The following LIN28B variants were observed in gnomAD, a reference collection of about 807,000 sequenced individuals.
The protein encoded by LIN28B is protein lin-28 homolog B.
A neutral mutation model predicts 21.9 loss-of-function variants in LIN28B; 5 were observed. The observed-to-expected ratio is 0.23, with a 90% CI of 0.12 to 0.48. The LOEUF is 0.48. Ranked by LOEUF, LIN28B falls within the 20% of genes least tolerant of loss-of-function variation. LIN28B has a pLI of 0.98. For missense variants in LIN28B, 245 were observed against 310.5 expected (o/e 0.79, Z 1.58); for synonymous variants, 109 against 111.3 (o/e 0.98, Z 0.13).
intron 3 of LIN28B, among the ~76,000 whole-genome samples, chr6:105,074,048 T>G (rs780100617): frequency 5.9e-5 from 9 of 152,214 alleles, no homozygotes; most frequent in Non-Finnish European, 1.2e-4. Flanking sequence ...ACTTATTAAC[T>G]AGTGTAGGTG....
At chr6:105,016,905 A>G (rs1771039495) in intron 2 of LIN28B, among the ~76,000 whole-genome samples, 1 of 150,966 alleles carries the variant, frequency 6.6e-6, no homozygotes, top group Non-Finnish European at 1.5e-5. Flanking sequence ...GAAAATCAAA[A>G]CAAAAAAACA....
intron 3 of LIN28B, among the ~76,000 whole-genome samples, chr6:105,041,692 G>A (rs973842178): frequency 6.6e-6 from 1 of 152,168 alleles, no homozygotes; most frequent in African/African-American, 2.4e-5. Flanking sequence ...CATCATGGCT[G>A]AAAGTAGTTG....
intron 3 of LIN28B, among the ~76,000 whole-genome samples, chr6:104,951,690 G>C (rs1778223084): frequency 6.6e-6 from 1 of 152,162 alleles, no homozygotes; most frequent in African/African-American, 2.4e-5. Context: ...GATCGGAGGG[G>C]AAAGGTACAA....
At chr6:105,073,223 T>G (rs1440470018) in intron 3 of LIN28B, among the ~76,000 whole-genome samples, 1 of 152,168 alleles carries the variant, frequency 6.6e-6, no homozygotes, top group Non-Finnish European at 1.5e-5. Context: ...TAAAAAATAA[T>G]AGAGCTGAGG....
At chr6:104,960,211 T>C (rs1208111638) in intron 2 of LIN28B, among the ~76,000 whole-genome samples, 1 of 152,106 alleles carries the variant, frequency 6.6e-6, no homozygotes, top group Non-Finnish European at 1.5e-5. Context: ...AGAGGTTTCT[T>C]ATATTGTAAT....
rs1227703279 is a variant in LIN28B, at chr6:104,966,038, A to G, written c.198+7752A>G. On this transcript the variant is annotated intron_variant, in intron 2 of 3. Coordinates refer to ENST00000345080, the MANE Select transcript of LIN28B (RefSeq NM_001004317.4). ...TCAATGGCCTATAAATCGGAGGACA[A>G]AAATAGTACCCACTTTGTATAGGGC... 2.0e-5 allele frequency among the ~76,000 whole-genome samples: 3 copies of G among 152,224 alleles called. No homozygotes were observed. The East Asian group carries it at 5.8e-4, about 29-fold the overall frequency.
intron 3 of LIN28B, among the ~76,000 whole-genome samples, chr6:105,032,051 AT>A (rs1162693786): frequency 2.6e-5 from 4 of 152,020 alleles, no homozygotes; most frequent in Non-Finnish European, 5.9e-5. Flanking sequence ...TTGAAATTGC[AT>A]TTTTTCACTC....
In LIN28B at chr6:104,997,257, C is replaced by G. The variant is rs181154922; in HGVS notation, c.199-29041C>G. 1.6e-3 allele frequency among the ~76,000 whole-genome samples: 227 copies of G among 140,990 alleles called. 1 individual carries two copies. The highest frequency in any genetic ancestry group is 8.6e-3 in the South Asian group (39 of 4,530). 92.5% of individuals were successfully genotyped at this position (140,990 alleles called of 152,430 possible). ...GATCGCGCCACTGCACTCCAGCCTG[C>G]GCGACAGAACGAGACTCCGTCTCAA... On this transcript the variant is annotated intron_variant, in intron 2 of 3. Transcript: ENST00000345080.
chr6:105,003,189 AG>A (rs1442965779), intron 2 of LIN28B, among the ~76,000 whole-genome samples: 2 of 152,356 alleles, frequency 1.3e-5, no homozygotes, highest in Middle Eastern at 3.4e-3. Flanking sequence ...ATACTGATAA[AG>A]GTGCTAAAAC....
intron 2 of LIN28B, among the ~76,000 whole-genome samples, chr6:104,948,008 C>T (rs1778177069): frequency 6.6e-6 from 1 of 151,816 alleles, no homozygotes; most frequent in South Asian, 2.1e-4. Context: ...ACATTGTATT[C>T]AGTATGGAAC....
chr6:105,004,698 G>C (rs960310029), intron 2 of LIN28B, among the ~76,000 whole-genome samples: 2 of 151,956 alleles, frequency 1.3e-5, no homozygotes. Flanking sequence ...GGTTATAATT[G>C]CTTTTTGCTT....
intron 2 of LIN28B, among the ~76,000 whole-genome samples, chr6:105,011,285 G>A (rs553465197): frequency 4.4e-4 from 67 of 152,136 alleles, no homozygotes; most frequent in African/African-American, 1.5e-3. Flanking sequence ...TGTCTCCCTG[G>A]GCTCTGGTGA....
At chr6:105,049,291 T>C (rs995582530) in intron 3 of LIN28B, among the ~76,000 whole-genome samples, 18 of 152,222 alleles carry the variant, frequency 1.2e-4, no homozygotes, top group African/African-American at 4.1e-4. Context: ...GGTTATTCAG[T>C]TTCCATGTAG....
At chr6:105,034,378 A>G (rs555346913) in intron 3 of LIN28B, among the ~76,000 whole-genome samples, 2 of 152,020 alleles carry the variant, frequency 1.3e-5, no homozygotes, top group Non-Finnish European at 2.9e-5. Flanking sequence ...TAACTACGTT[A>G]GTATGAGTAA....
intron 3 of LIN28B, among the ~76,000 whole-genome samples, chr6:105,028,636 C>CAA (rs1771354243): frequency 2.6e-5 from 4 of 152,252 alleles, no homozygotes; most frequent in Non-Finnish European, 4.4e-5. Flanking sequence ...GACTATTTAT[C>CAA]AAGATGGGGA....
chr6:105,034,375 G>A (rs538525204), intron 3 of LIN28B, among the ~76,000 whole-genome samples: 6 of 151,712 alleles, frequency 4.0e-5, no homozygotes, highest in South Asian at 2.1e-4. Context: ...TTATAACTAC[G>A]TTAGTATGAG....
intron 2 of LIN28B, among the ~76,000 whole-genome samples, chr6:105,015,366 A>G (rs1271784708): frequency 2.0e-5 from 3 of 151,884 alleles, no homozygotes; most frequent in African/African-American, 7.3e-5. Flanking sequence ...TGTTTACATG[A>G]TTGTCTTTTT....
intron 3 of LIN28B, among the ~76,000 whole-genome samples, chr6:104,951,842 TG>T (rs1778224556): frequency 2.6e-5 from 4 of 152,240 alleles, no homozygotes; most frequent in Admixed American, 2.6e-4. Flanking sequence ...GGCCACAGAT[TG>T]GTAAATAGGA....
In LIN28B at chr6:104,937,333, A is replaced by G. The variant is rs866913359; in HGVS notation, c.18+217A>G. 3.1e-4 allele frequency among the ~76,000 whole-genome samples: 47 copies of G among 152,234 alleles called. No homozygotes were observed. In the Middle Eastern group the frequency reaches 0.01, roughly 33 times the overall value. ...TAGAGACGCGGTGACCATTTTGCCCAGGCTGGGGTGCAGGGCCGCAGTCTC... is the reference window on the plus strand; with the variant it reads ...TAGAGACGCGGTGACCATTTTGCCCGGGCTGGGGTGCAGGGCCGCAGTCTC... On this transcript the variant is annotated intron_variant, in intron 2 of 5. Transcript: ENST00000635857.
Sources: allele counts gnomAD v4.1 joint callset (sites outside exome capture counted in the v4.1 genomes callset), GRCh38; gene constraint gnomAD v4.1.1; transcripts MANE v1.5; gene names NCBI Gene and HGNC (gene_info 2026-07-23, HGNC 2026-07-21).